The following KCNH8 variants were observed in gnomAD, a reference collection of about 807,000 sequenced individuals.
KCNH8 encodes the protein potassium voltage-gated channel subfamily H member 8.
Under a neutral mutation model 103.6 loss-of-function variants are expected in KCNH8, and 70 were observed. That is an observed-to-expected ratio of 0.68 (90% confidence interval 0.56 to 0.82). The LOEUF is 0.82. Among genes scored for constraint, KCNH8 ranks in the 40% least tolerant of loss-of-function variants. The probability of loss-of-function intolerance (pLI) is 0.00; values close to 1 mark genes in which losing one functional copy is unlikely to be tolerated. For synonymous variants in KCNH8, 498 were observed against 489.4 expected (o/e 1.02, Z -0.23); for missense variants, 1,217 against 1,329.9 (o/e 0.92, Z 1.32).
intron 2 of KCNH8, among the ~76,000 whole-genome samples, chr3:19,264,441 G>C (rs566047714): frequency 4.9e-4 from 75 of 152,064 alleles, no homozygotes; most frequent in Middle Eastern, 3.2e-3. Flanking sequence ...AAGTTGAATT[G>C]CTTAATCAAT....
intron 11 of KCNH8, among the ~76,000 whole-genome samples, chr3:19,465,251 C>T (rs2067711556): frequency 1.3e-5 from 2 of 152,094 alleles, no homozygotes; most frequent in African/African-American, 2.4e-5. Context: ...GGCTAATGCT[C>T]ATTTGTCATT....
At chr3:19,336,714 G>C (rs1053515121) in intron 3 of KCNH8, among the ~76,000 whole-genome samples, 1 of 151,802 alleles carries the variant, frequency 6.6e-6, no homozygotes, top group African/African-American at 2.4e-5. Flanking sequence ...ATATAATTTA[G>C]AACATAAAAA....
chr3:19,304,249 G>A (rs2065100503), intron 3 of KCNH8, among the ~76,000 whole-genome samples: 1 of 152,088 alleles, frequency 6.6e-6, no homozygotes, highest in South Asian at 2.1e-4. Context: ...CTATAGCAAA[G>A]AACAAATACG....
At chr3:19,326,529 C>T (rs73182741) in intron 3 of KCNH8, among the ~76,000 whole-genome samples, 16,375 of 151,822 alleles carry the variant, frequency 0.11, 1,018 homozygotes, top group East Asian at 0.18. Context: ...TCATTCCCTT[C>T]ATTCTGTGCC....
intron 8 of KCNH8, among the ~76,000 whole-genome samples, chr3:19,444,018 G>A (rs953974023): frequency 5.3e-5 from 8 of 152,180 alleles, no homozygotes; most frequent in African/African-American, 1.9e-4. Context: ...GTGTTTGTGT[G>A]TGGGTGTGTT....
intron 11 of KCNH8, among the ~76,000 whole-genome samples, chr3:19,496,511 G>A (rs1035521864): frequency 6.6e-6 from 1 of 152,106 alleles, no homozygotes; most frequent in East Asian, 1.9e-4. Flanking sequence ...ATTTGTGTAT[G>A]TTGAACCAAC....
At chr3:19,326,494 T>G (rs2125307249) in intron 3 of KCNH8, among the ~76,000 whole-genome samples, 1 of 151,882 alleles carries the variant, frequency 6.6e-6, no homozygotes, top group Admixed American at 6.6e-5. Context: ...TTAAACTCCT[T>G]TTTCTGAGTC....
intron 11 of KCNH8, among the ~76,000 whole-genome samples, chr3:19,485,867 G>A (rs915572893): frequency 6.6e-6 from 1 of 152,172 alleles, no homozygotes; most frequent in African/African-American, 2.4e-5. Flanking sequence ...ATTTCTTGTT[G>A]ATATTTTATG....
chr3:19,501,213 C>G (rs868858418), intron 11 of KCNH8, among the ~76,000 whole-genome samples: 1 of 151,052 alleles, frequency 6.6e-6, no homozygotes, highest in Non-Finnish European at 1.5e-5. Context: ...TACACTCTCC[C>G]AAGACTAAAC....
At chr3:19,255,408 A>G (rs1233571701) in intron 2 of KCNH8, among the ~76,000 whole-genome samples, 1 of 152,178 alleles carries the variant, frequency 6.6e-6, no homozygotes, top group African/African-American at 2.4e-5. Flanking sequence ...TGTCATGTGC[A>G]AACAGAGACA....
intron 2 of KCNH8, among the ~76,000 whole-genome samples, chr3:19,258,878 G>GTAAATAACT (rs781681104): frequency 1.4e-5 from 2 of 142,044 alleles, no homozygotes; most frequent in South Asian, 2.3e-4. Context: ...ATATTACAGA[G>GTAAATAACT]TAAATAACTT....
At chr3:19,190,118 G>A (rs2063537532) in intron 1 of KCNH8, among the ~76,000 whole-genome samples, 1 of 152,010 alleles carries the variant, frequency 6.6e-6, no homozygotes, top group Non-Finnish European at 1.5e-5. Context: ...CAATATGTTT[G>A]TAAAGTCCAG....
intron 1 of KCNH8, among the ~76,000 whole-genome samples, chr3:19,215,475 C>T (rs1002943706): frequency 3.9e-5 from 6 of 152,092 alleles, no homozygotes; most frequent in South Asian, 2.1e-4. Flanking sequence ...TTCTTTCAAC[C>T]GATTCTATTT....
chr3:19,523,683 C>T (rs1257219927), intron 15 of KCNH8, among the ~76,000 whole-genome samples: 2 of 151,830 alleles, frequency 1.3e-5, no homozygotes, highest in South Asian at 4.1e-4. Context: ...TCCATGGGCA[C>T]AGTTAATTTC....
chr3:19,520,495 A>T (rs563912545), intron 15 of KCNH8, among the ~76,000 whole-genome samples: 2 of 152,124 alleles, frequency 1.3e-5, no homozygotes, highest in African/African-American at 4.8e-5. Flanking sequence ...TTCAAACTGT[A>T]AAATTATCCC....
rs781071494 is a variant in KCNH8 at position 19,293,287 on chromosome 3, G to A, written c.442+11958G>A. Among the ~76,000 whole-genome samples the A allele has an allele frequency of 1.9e-4, 29 of 151,936 alleles. No homozygotes were observed. The East Asian group carries it at 3.5e-3, about 18-fold the overall frequency. ...GGACCTCCAAGGAAACAAGTGAGAC[G>A]AAACTGGAAATGATGTGGAAAGAAA... On this transcript the variant is annotated intron_variant, in intron 3 of 15. Transcript: ENST00000328405.
chr3:19,501,527 A>G (rs2068582986), intron 11 of KCNH8, among the ~76,000 whole-genome samples: 2 of 152,220 alleles, frequency 1.3e-5, no homozygotes, highest in African/African-American at 2.4e-5. Flanking sequence ...AAAATCCTCA[A>G]TAAAATACTG....
At chr3:19,461,811 C>T (rs1050857545) in intron 11 of KCNH8, among the ~76,000 whole-genome samples, 1 of 152,104 alleles carries the variant, frequency 6.6e-6, no homozygotes, top group African/African-American at 2.4e-5. Context: ...TGTCATCCCT[C>T]CCCCTCCCAA....
chr3:19,401,089 C>G (rs868570846), intron 7 of KCNH8, among the ~76,000 whole-genome samples: 3 of 151,810 alleles, frequency 2.0e-5, no homozygotes, highest in African/African-American at 4.8e-5. Flanking sequence ...TAAACCAGTA[C>G]CTTAAGCCTT....
Sources: allele counts gnomAD v4.1 joint callset (sites outside exome capture counted in the v4.1 genomes callset), GRCh38; gene constraint gnomAD v4.1.1; transcripts MANE v1.5; gene names NCBI Gene and HGNC (gene_info 2026-07-23, HGNC 2026-07-21).